Variants in SEMA4D observed in about 807,000 individuals in gnomAD.
SEMA4D encodes the protein semaphorin-4D.
In SEMA4D, 22 loss-of-function variants were observed where a neutral mutation model predicts 74.8. The ratio of observed to expected loss-of-function variants is 0.29; its 90% confidence interval spans 0.21 to 0.42. SEMA4D has a LOEUF of 0.42. Ranked by LOEUF, SEMA4D falls within the 10% of genes least tolerant of loss-of-function variation. The probability of loss-of-function intolerance (pLI) is 1.00; values close to 1 mark genes in which losing one functional copy is unlikely to be tolerated. For missense variants in SEMA4D, 937 were observed against 1,118.4 expected (o/e 0.84, Z 2.31); for synonymous variants, 445 against 463.7 (o/e 0.96, Z 0.52).
At chr9:89,461,150 AG>A (rs1857108795) in intron 1 of SEMA4D, among the ~76,000 whole-genome samples, 1 of 152,184 alleles carries the variant, frequency 6.6e-6, no homozygotes, top group African/African-American at 2.4e-5. Flanking sequence ...GATTAAAGCA[AG>A]ATGCCACTCT....
intron 2 of SEMA4D, among the ~76,000 whole-genome samples, chr9:89,443,790 C>G (rs1012808494): frequency 1.3e-5 from 2 of 152,240 alleles, no homozygotes; most frequent in African/African-American, 4.8e-5. Flanking sequence ...ACCTCCTGGG[C>G]TCCCTGCATA....
At chr9:89,385,644 G>T in intron 13 of SEMA4D, 1 of 855,864 alleles carries the variant, frequency 1.2e-6, no homozygotes, top group Non-Finnish European at 1.4e-6. Context: ...AAGCTTTGTG[G>T]ATACAGGGGA....
intron 2 of SEMA4D, among the ~76,000 whole-genome samples, chr9:89,452,395 G>T (rs191617862): frequency 6.6e-6 from 1 of 152,076 alleles, no homozygotes; most frequent in East Asian, 1.9e-4. Flanking sequence ...AGCCAGGATG[G>T]TCTCAATCTC....
At chr9:89,478,690 CTT>C (rs1000404209) in intron 1 of SEMA4D, among the ~76,000 whole-genome samples, 12 of 152,076 alleles carry the variant, frequency 7.9e-5, no homozygotes, top group Non-Finnish European at 1.8e-4. Context: ...TCACTGCACC[CTT>C]GTTAGGGGTC....
At chr9:89,447,307 T>G (rs748474840) in intron 2 of SEMA4D, among the ~76,000 whole-genome samples, 1 of 151,722 alleles carries the variant, frequency 6.6e-6, no homozygotes, top group Non-Finnish European at 1.5e-5. Flanking sequence ...TCCTCAGATG[T>G]TTCCTCAACT....
At chr9:89,482,283 G>A (rs973198339) in intron 1 of SEMA4D, among the ~76,000 whole-genome samples, 2 of 152,120 alleles carry the variant, frequency 1.3e-5, no homozygotes, top group East Asian at 3.9e-4. Context: ...TCACTCTGAC[G>A]ACCACGAGGC....
intron 2 of SEMA4D, among the ~76,000 whole-genome samples, chr9:89,415,503 TG>T (rs1845519353): frequency 6.6e-6 from 1 of 152,214 alleles, no homozygotes; most frequent in African/African-American, 2.4e-5. Context: ...TGATGGTTTC[TG>T]GAGAGGGAGC....
chr9:89,371,465 G>A (rs1305504076), intron 16 of SEMA4D, among the ~76,000 whole-genome samples: 2 of 101,854 alleles, frequency 2.0e-5, no homozygotes, highest in Non-Finnish European at 4.1e-5. Context: ...TGGGGTGTGT[G>A]TGTGGGGTGT....
At chr9:89,456,533 A>G (rs1480257308) in intron 1 of SEMA4D, among the ~76,000 whole-genome samples, 1 of 152,234 alleles carries the variant, frequency 6.6e-6, no homozygotes, top group Non-Finnish European at 1.5e-5. Context: ...GGGGAGGAGA[A>G]GGAGGGCAAG....
At chr9:89,428,532 A>G (rs1340172716) in intron 2 of SEMA4D, among the ~76,000 whole-genome samples, 1 of 152,138 alleles carries the variant, frequency 6.6e-6, no homozygotes, top group African/African-American at 2.4e-5. Context: ...ACCACGAGGA[A>G]CCGGCCCCTT....
chr9:89,415,024 A>G (rs1166523897), intron 2 of SEMA4D, among the ~76,000 whole-genome samples: 3 of 152,244 alleles, frequency 2.0e-5, no homozygotes, highest in Non-Finnish European at 4.4e-5. Flanking sequence ...AAGCGCTATG[A>G]GGATGCACGC....
exon 19 of SEMA4D, chr9:89,362,207 C>T (rs985036286): frequency 4.8e-6 from 4 of 827,930 alleles, no homozygotes; most frequent in South Asian, 1.6e-5. Flanking sequence ...CTGTCACAGG[C>T]CCACTTGGGT....
intron 1 of SEMA4D, among the ~76,000 whole-genome samples, chr9:89,462,956 G>GAGGGGAGGGGAGC (rs1181668675): frequency 2.1e-5 from 2 of 95,510 alleles, no homozygotes. Context: ...GAAAGGAGGG[G>GAGGGGAGGGGAGC]GGAGCGAGCG....
intron 10 of SEMA4D, 23 bp downstream of exon 10, chr9:89,388,849 G>A (rs375339435): frequency 2.5e-6 from 4 of 1,609,940 alleles, no homozygotes; most frequent in African/African-American, 1.3e-5. Flanking sequence ...AGCAAGGAGG[G>A]GGACTCCACC....
At chr9:89,389,969 A>T (rs978669614) in intron 9 of SEMA4D, among the ~76,000 whole-genome samples, 5 of 151,862 alleles carry the variant, frequency 3.3e-5, no homozygotes, top group African/African-American at 1.2e-4. Context: ...AGCTCAAACC[A>T]CCCTAGTCCA....
rs1365625154 is a variant in SEMA4D, at chr9:89,371,704, ATGTGTCTGGGGTGTGGTG to A, written c.1882+5111_1882+5128del. On this transcript the variant is annotated intron_variant, in intron 16 of 18. Coordinates refer to the SEMA4D transcript ENST00000339861. ...GTGTGTGGGGTGTGATGTGTGTGGG[ATGTGTCTGGGGTGTGGTG>A]TGTGTCTGGGGTGTGGTGTGTGTCG... 4.2e-3 allele frequency among the ~76,000 whole-genome samples: 52 copies of A among 12,270 alleles called. 1 individual carries two copies. The highest frequency in any genetic ancestry group is 0.016 in the African/African-American group (47 of 2,872). The allele number at this position is 12,270 out of a possible 152,430, so 8.0% of individuals were successfully genotyped here.
intron 2 of SEMA4D, among the ~76,000 whole-genome samples, chr9:89,445,456 C>T (rs1173957614): frequency 2.6e-5 from 4 of 152,194 alleles, no homozygotes; most frequent in Non-Finnish European, 2.9e-5. Context: ...TGACCAAAAT[C>T]AGGGTGTCAG....
chr9:89,374,233 G>A (rs530048763), downstream of SEMA4D, among the ~76,000 whole-genome samples: 1 of 152,294 alleles, frequency 6.6e-6, no homozygotes, highest in South Asian at 2.1e-4. Context: ...GCAAAGGACT[G>A]CCCTCCTCCC....
At chr9:89,470,434 C>A (rs1231240677) in intron 1 of SEMA4D, among the ~76,000 whole-genome samples, 1 of 152,154 alleles carries the variant, frequency 6.6e-6, no homozygotes, top group African/African-American at 2.4e-5. Context: ...ACAATGAGCA[C>A]ATTATATATA....
Sources: gnomAD v4.1 joint callset for allele counts (sites outside exome capture counted in the v4.1 genomes callset) on GRCh38, gnomAD v4.1.1 for gene constraint, MANE v1.5 for transcripts, NCBI Gene and HGNC (gene_info 2026-07-23, HGNC 2026-07-21) for gene names.